Variants in UGT2B4 observed in about 807,000 individuals in gnomAD.
The protein encoded by UGT2B4 is UDP glucuronosyltransferase family 2 member B4, also known as UDP-glucuronosyltransferase 2B4.
Under a neutral mutation model 49.8 loss-of-function variants are expected in UGT2B4, and 49 were observed. That is an observed-to-expected ratio of 0.98 (90% CI 0.78 to 1.25). The LOEUF (loss-of-function observed/expected upper bound fraction) is 1.25, where lower values mean the gene tolerates loss of function less well. Among genes scored for constraint, UGT2B4 ranks in the 50% most tolerant of loss-of-function variants. The pLI, the probability that UGT2B4 is intolerant of heterozygous loss-of-function variation, is 0.00. For missense variants in UGT2B4, 729 were observed against 627.7 expected (o/e 1.16, Z -1.73); for synonymous variants, 246 against 217.7 (o/e 1.13, Z -1.14).
intron 1 of UGT2B4, among the ~76,000 whole-genome samples, chr4:69,517,468 T>A (rs13136057): frequency 0.95 from 144,984 of 152,218 alleles, 69,458 homozygotes; most frequent in East Asian, 1. Flanking sequence ...AAATCTCTGT[T>A]TTAATGCTGA....
At chr4:69,516,272 G>A (rs541354411) in intron 1 of UGT2B4, among the ~76,000 whole-genome samples, 1 of 152,254 alleles carries the variant, frequency 6.6e-6, no homozygotes, top group African/African-American at 2.4e-5. Flanking sequence ...TTGCCATTAT[G>A]AACAGTGCGG....
chr4:69,491,033 A>G (rs1428773236), intron 2 of UGT2B4, among the ~76,000 whole-genome samples: 1 of 152,192 alleles, frequency 6.6e-6, no homozygotes, highest in African/African-American at 2.4e-5. Context: ...TTCTAAAAAG[A>G]AAATAATTTT....
intron 5 of UGT2B4, among the ~76,000 whole-genome samples, chr4:69,481,785 A>G (rs1391175610): frequency 6.6e-6 from 1 of 152,208 alleles, no homozygotes; most frequent in Non-Finnish European, 1.5e-5. Flanking sequence ...ATCATCTTTA[A>G]GTTTCTAAAG....
At position 69,502,139 on chromosome 4, in the gene UGT2B4, T is replaced by A. The variant is rs141697261; in HGVS notation, c.-105-6173A>T. Among the ~76,000 whole-genome samples the A allele has an allele frequency of 3.0e-3, 416 of 137,480 alleles. 13 individuals carry two copies. The highest frequency in any genetic ancestry group is 0.019 in the Admixed American group (255 of 13,240). The allele number at this position is 137,480 out of a possible 152,430, so 90.2% of individuals were successfully genotyped here. ...TTTCTTTCTTTCTTTCTTTCTTTCT[T>A]TCTTTCTTTCTCTTTCTTTCTTTCT... On this transcript the variant is annotated intron_variant, in intron 1 of 1. Coordinates refer to the UGT2B4 transcript ENST00000510114.
upstream of UGT2B4, among the ~76,000 whole-genome samples, chr4:69,496,199 G>A (rs1046098337): frequency 1.3e-5 from 2 of 150,680 alleles, no homozygotes; most frequent in African/African-American, 2.4e-5. Flanking sequence ...TAATTTTTCT[G>A]TATTTTTAGT....
rs113842049 is a variant in UGT2B4 at position 69,510,990 on chromosome 4, CTT to C, written c.-106+14695_-106+14696del. 1.5e-3 allele frequency among the ~76,000 whole-genome samples: 163 copies of C among 105,880 alleles called. 1 individual carries two copies. Among genetic ancestry groups the C allele is most frequent in the African/African-American group, 3.4e-3 (89 of 25,968 alleles). The allele number at this position is 105,880 out of a possible 152,430, so 69.5% of individuals were successfully genotyped here. On this transcript the variant is annotated intron_variant, in intron 1 of 1. Transcript: ENST00000510114. ...TAAATACTCTTTCTTTTCTTTTCTT[CTT>C]TTTTTTTTTTTTTTTGAGACAGTCT...
At chr4:69,501,175 C>G (rs1389438516) in intron 1 of UGT2B4, among the ~76,000 whole-genome samples, 1 of 148,298 alleles carries the variant, frequency 6.7e-6, no homozygotes, top group Non-Finnish European at 1.5e-5. Flanking sequence ...GCAGTGAGGA[C>G]TGCCATTTTT....
At chr4:69,509,835 GT>G (rs1267348842) in intron 1 of UGT2B4, among the ~76,000 whole-genome samples, 1 of 151,592 alleles carries the variant, frequency 6.6e-6, no homozygotes, top group Non-Finnish European at 1.5e-5. Flanking sequence ...TTTCTTTGCT[GT>G]GTAGAATATT....
chr4:69,501,218 G>A (rs1728310810), intron 1 of UGT2B4, among the ~76,000 whole-genome samples: 1 of 150,020 alleles, frequency 6.7e-6, no homozygotes, highest in African/African-American at 2.5e-5. Context: ...TCTGCCATTT[G>A]AGCTTTGGAG....
At position 69,489,528 on chromosome 4, in the gene UGT2B4, C is replaced by T. The variant is rs1183533851; in HGVS notation, c.913G>A (p.Val305Met). ...FVQSSGENGVVVFSLGSMVSN... is the reference protein window; with the variant it reads ...FVQSSGENGVMVFSLGSMVSN... The stretch of plus-strand genomic sequence containing the variant: ...ACCATCGACCCCAGAGAAAACACCA[C>T]AACACCATTTTCTCCAGAGCTCTGG... Residue 305 changes from valine to methionine, a missense_variant, in exon 3 of 6, where the codon GTG becomes ATG. By Grantham distance (21) the Val-to-Met change is conservative. Transcript: ENST00000305107. 1.9e-6 allele frequency: 3 copies of T among 1,611,446 alleles called. No individual in the cohort carries two copies. The Admixed American group carries it at 5.0e-5, about 27-fold the overall frequency.
At chr4:69,519,106 G>A (rs1728792147) in intron 1 of UGT2B4, among the ~76,000 whole-genome samples, 1 of 152,154 alleles carries the variant, frequency 6.6e-6, no homozygotes, top group Non-Finnish European at 1.5e-5. Flanking sequence ...ACAGAAGAAA[G>A]CTAACTTGAA....
At chr4:69,501,285 C>T (rs1466000807) in intron 1 of UGT2B4, among the ~76,000 whole-genome samples, 2 of 152,102 alleles carry the variant, frequency 1.3e-5, no homozygotes, top group African/African-American at 4.8e-5. Flanking sequence ...TGTTGCAAAT[C>T]TACTCTACCT....
In UGT2B4 at chr4:69,493,923, T is replaced by G. The variant is rs1728070678; in HGVS notation, c.722-82A>C. 2.0e-6 allele frequency: 3 copies of G among 1,474,800 alleles called. No homozygotes were observed. In the African/African-American group the frequency reaches 4.4e-5, roughly 21 times the overall value. The allele number at this position is 1,474,800 out of a possible 1,614,324, so 91.4% of individuals were successfully genotyped here. ...TTTTCTGAAAGAAGTTAGAATAATG[T>G]GGGCAAAAATGTAGGCAAAGTGTTT... On this transcript the variant is annotated intron_variant, in intron 1 of 5. Transcript: ENST00000305107.
upstream of UGT2B4, among the ~76,000 whole-genome samples, chr4:69,498,857 T>C (rs938294270): frequency 4.6e-5 from 7 of 152,186 alleles, no homozygotes; most frequent in African/African-American, 1.7e-4. Context: ...TTCATGTTTC[T>C]ATCTCCTTCA....
chr4:69,500,606 GAAGAAAGAAAGAAAGA>G (rs61653936), upstream of UGT2B4, among the ~76,000 whole-genome samples: 176 of 99,586 alleles, frequency 1.8e-3, 1 homozygote, highest in African/African-American at 7.0e-3. Flanking sequence ...AGAAAGCAAG[GAAGAAAGAAAGAAAGA>G]AAGAAAGAAA....
intron 3 of UGT2B4, among the ~76,000 whole-genome samples, chr4:69,488,491 T>C (rs1363392186): frequency 6.6e-6 from 1 of 152,124 alleles, no homozygotes; most frequent in Non-Finnish European, 1.5e-5. Context: ...TTAGCATAGG[T>C]CATTACAAGA....
At chr4:69,512,159 A>G (rs1021219245) in intron 1 of UGT2B4, among the ~76,000 whole-genome samples, 1 of 150,834 alleles carries the variant, frequency 6.6e-6, no homozygotes, top group Non-Finnish European at 1.5e-5. Flanking sequence ...TCAAATATAT[A>G]TTATTTCTTT....
chr4:69,508,704 A>G (rs929418368), intron 1 of UGT2B4, among the ~76,000 whole-genome samples: 41 of 152,144 alleles, frequency 2.7e-4, no homozygotes, highest in African/African-American at 9.9e-4. Flanking sequence ...GGTCTATTTG[A>G]GGCTGAAGAG....
chr4:69,490,925 G>T, intron 2 of UGT2B4, among the ~76,000 whole-genome samples: 1 of 152,098 alleles, frequency 6.6e-6, no homozygotes, highest in East Asian at 1.9e-4. Context: ...CCCTAAAGGG[G>T]ATTCATTATT....
Sources: allele counts gnomAD v4.1 joint callset (sites outside exome capture counted in the v4.1 genomes callset), GRCh38; gene constraint gnomAD v4.1.1; transcripts MANE v1.5; gene names NCBI Gene and HGNC (gene_info 2026-07-23, HGNC 2026-07-21).